AP2A2: variants seen among roughly 807,000 people sequenced by gnomAD.
The protein encoded by AP2A2 is AP-2 complex subunit alpha-2.
AP2A2 carries 32 observed loss-of-function variants against 104.2 expected under a neutral mutation model. The ratio of observed to expected loss-of-function variants is 0.31; its 90% confidence interval spans 0.23 to 0.41. AP2A2 has a LOEUF of 0.41. Among genes scored for constraint, AP2A2 ranks in the 10% least tolerant of loss-of-function variants. The pLI, the probability that AP2A2 is intolerant of heterozygous loss-of-function variation, is 1.00. For missense variants in AP2A2, 912 were observed against 1,261.0 expected, an observed-to-expected ratio of 0.72 and a Z score of 4.19; for synonymous variants, 539 against 533.3, an observed-to-expected ratio of 1.01 and a Z score of -0.15.
intron 2 of AP2A2, among the ~76,000 whole-genome samples, chr11:969,892 G>C (rs555785640): frequency 6.6e-6 from 1 of 152,220 alleles, no homozygotes; most frequent in Non-Finnish European, 1.5e-5. Flanking sequence ...GGCTGCACCT[G>C]CCCAGGGTTG....
In AP2A2 at chr11:958,341, G is replaced by C. The variant is rs768247119; in HGVS notation, c.68-1096G>C. Among the ~76,000 whole-genome samples, 17 of 152,206 alleles carry C rather than the reference G, an allele frequency of 1.1e-4. No individual in the cohort carries two copies. The East Asian group carries it at 3.3e-3, about 29-fold the overall frequency. ...GAAGATGAAGTGTTTCAGCCGCCCC[G>C]TCTGGGGTGTTTTGTCATGGCAGCC... On this transcript the variant is annotated intron_variant, in intron 1 of 21. Transcript: ENST00000448903.
chr11:935,627 A>G (rs1589942919), intron 1 of AP2A2, among the ~76,000 whole-genome samples: 2 of 26,994 alleles, frequency 7.4e-5, no homozygotes, highest in African/African-American at 1.2e-4. Context: ...TTTTTTTTTG[A>G]GATAGAGTCT....
At chr11:960,493 C>T (rs1486415436) in intron 2 of AP2A2, among the ~76,000 whole-genome samples, 2 of 152,222 alleles carry the variant, frequency 1.3e-5, no homozygotes, top group Admixed American at 6.5e-5. Context: ...CCGCCTCGGC[C>T]TCCCAAAGTG....
At chr11:951,627 C>T (rs541062958) in intron 1 of AP2A2, among the ~76,000 whole-genome samples, 1 of 152,278 alleles carries the variant, frequency 6.6e-6, no homozygotes, top group Non-Finnish European at 1.5e-5. Flanking sequence ...CTTCTCATCA[C>T]AGCTCTTTCA....
At chr11:991,533 G>A (rs1024620967) in intron 10 of AP2A2, among the ~76,000 whole-genome samples, 1 of 152,204 alleles carries the variant, frequency 6.6e-6, no homozygotes, top group African/African-American at 2.4e-5. Context: ...CAGGGCACGC[G>A]AGGCAGGGGT....
At chr11:930,765 C>T (rs561655489) in intron 1 of AP2A2, among the ~76,000 whole-genome samples, 41 of 152,298 alleles carry the variant, frequency 2.7e-4, no homozygotes, top group East Asian at 1.3e-3. Flanking sequence ...CGTGATCCAC[C>T]GGCCTCGGCC....
intron 1 of AP2A2, among the ~76,000 whole-genome samples, chr11:935,425 C>G (rs1486705268): frequency 6.6e-6 from 1 of 151,838 alleles, no homozygotes; most frequent in African/African-American, 2.4e-5. Flanking sequence ...ACCTCGGCCT[C>G]TCAAAGTGCT....
intron 3 of AP2A2, among the ~76,000 whole-genome samples, chr11:971,645 A>G (rs1424212064): frequency 6.6e-6 from 1 of 152,116 alleles, no homozygotes; most frequent in African/African-American, 2.4e-5. Flanking sequence ...GGGAGGGAAC[A>G]GGCAGCCGGG....
At chr11:964,792 A>G (rs1854557499) in intron 2 of AP2A2, among the ~76,000 whole-genome samples, 1 of 136,096 alleles carries the variant, frequency 7.3e-6, no homozygotes, top group Non-Finnish European at 1.7e-5. Flanking sequence ...AAATAATCCC[A>G]GATGGAAGCG....
intron 4 of AP2A2, among the ~76,000 whole-genome samples, chr11:975,563 G>T: frequency 6.6e-6 from 1 of 150,848 alleles, no homozygotes; most frequent in African/African-American, 2.5e-5. Flanking sequence ...GGTCTCCCTC[G>T]TGTGAGCCGA....
rs745834000 is a variant in AP2A2, at chr11:1,009,131, C to G, written c.2452C>G (p.Gln818Glu). The stretch of plus-strand genomic sequence containing the variant: ...GGGCACCTTCCAGAACGTGTCTGTG[C>G]AGCTGCCCATCACTCTCAACAAATT... ...YGGTFQNVSV[Q>E]LPITLNKFFQ... Residue 818 changes from glutamine (Q) to glutamate (E), a missense_variant, in exon 19 of 22, where the codon CAG becomes GAG. Physicochemically the swap from Gln to Glu is conservative, Grantham distance 29 (BLOSUM62 2). Transcript: ENST00000448903. The G allele has an allele frequency of 1.2e-6, 2 of 1,613,288 alleles. No homozygotes were observed. Among genetic ancestry groups the G allele is most frequent in the South Asian group, 2.2e-5 (2 of 91,056 alleles).
rs1289018240 is a variant in AP2A2 at position 992,442 on chromosome 11, G to C, written c.1270-61G>C. 1 of 1,521,918 alleles carries C rather than the reference G, an allele frequency of 6.6e-7. No individual in the cohort carries two copies. The highest frequency in any genetic ancestry group is 2.0e-5 in the Admixed American group (1 of 50,976). 94.3% of individuals were successfully genotyped at this position (1,521,918 alleles called of 1,614,324 possible). ...ACTCTCACTTTGACTTTGGACGACA[G>C]TTTGGTCTTGGGATTGCCATGGCCT... On this transcript the variant is annotated intron_variant, in intron 10 of 21. Transcript: ENST00000448903. This position sits in a 1 kb window ranked among gnomAD's most constrained non-coding sequence, Gnocchi z 6.4.
intron 8 of AP2A2, 28 bp from the exon 9 acceptor site, chr11:986,757 C>T (rs759619840): frequency 6.2e-7 from 1 of 1,607,016 alleles, no homozygotes; most frequent in Non-Finnish European, 8.5e-7. Context: ...CTGAGGAAAC[C>T]CCACCCACTT....
rs536113217 is a variant in AP2A2, at chr11:992,167, C to T, written c.1270-336C>T. 3.9e-5 allele frequency among the ~76,000 whole-genome samples: 6 copies of T among 152,102 alleles called. No individual in the cohort carries two copies. The South Asian group carries it at 6.2e-4, about 16-fold the overall frequency. On this transcript the variant is annotated intron_variant, in intron 10 of 21. Coordinates refer to ENST00000448903, the MANE Select transcript of AP2A2 (RefSeq NM_012305.4). The surrounding 1 kb of genome is among the most constrained non-coding windows in gnomAD (Gnocchi z 6.4). ...TCAGAGGTCAGAGGAGTGCTGCCAC[C>T]GGGAGCCTAGGGTGATGAGGTCAGA...
chr11:1,000,468 G>A lies in AP2A2; in HGVS notation c.1993G>A (p.Gly665Arg), dbSNP rs1855993617. The A allele has an allele frequency of 2.6e-6, 4 of 1,541,880 alleles. No homozygotes were observed. The highest frequency in any genetic ancestry group is 2.4e-5 in the East Asian group (1 of 41,052). The change falls in exon 15 of 22, where the codon GGG becomes AGG. Residue 665 changes from glycine to arginine, a missense_variant. Physicochemically the swap from Gly to Arg is moderately radical, Grantham distance 125. This residue lies in a region of AP2A2 where 105 missense variants were observed against 90.9 expected (regional missense o/e 1.16). Transcript: ENST00000448903. ...TCCGTCGGCAGACCTGCTGGGTCTC[G>A]GGGCTGCCCCCCCTGCCCCCGCGGG... Reference protein sequence around the residue: ...PSPSADLLGLGAAPPAPAGPP... With the variant: ...PSPSADLLGLRAAPPAPAGPP...
intron 20 of AP2A2, 76 bp downstream of exon 20, chr11:1,009,473 G>C: frequency 6.8e-7 from 1 of 1,476,290 alleles, no homozygotes; most frequent in African/African-American, 1.4e-5. Context: ...GGACGGCCCC[G>C]GGGAACACGC....
intron 1 of AP2A2, among the ~76,000 whole-genome samples, chr11:936,143 G>A (rs1211603119): frequency 2.1e-5 from 3 of 146,042 alleles, no homozygotes; most frequent in East Asian, 2.0e-4. Context: ...TCCTGACCTC[G>A]TGATCTGCCT....
intron 15 of AP2A2, among the ~76,000 whole-genome samples, chr11:1,003,446 G>GTAA (rs1482840109): frequency 2.0e-5 from 3 of 152,250 alleles, no homozygotes. Context: ...GTGAGAGGCC[G>GTAA]TTACATGTGG....
chr11:970,425 A>G, intron 3 of AP2A2, 114 bp downstream of exon 3: 1 of 1,374,598 alleles, frequency 7.3e-7, no homozygotes, highest in Non-Finnish European at 9.9e-7. Flanking sequence ...GACGTGAGCC[A>G]CGTGGGTCTG....
Sources: gnomAD v4.1 joint callset for allele counts (sites outside exome capture counted in the v4.1 genomes callset) on GRCh38, gnomAD v4.1.1 for gene constraint, gnomAD v4.1.1 regional missense constraint, Gnocchi (gnomAD v3.1) non-coding constraint, MANE v1.5 for transcripts, NCBI Gene and HGNC (gene_info 2026-07-23, HGNC 2026-07-21) for gene names.